RABGAP1L: variants seen among roughly 807,000 people sequenced by gnomAD.
RABGAP1L encodes the protein rab GTPase-activating protein 1-like.
A neutral mutation model predicts 137.7 loss-of-function variants in RABGAP1L; 63 were observed. The observed-to-expected ratio is 0.46, with a 90% CI of 0.37 to 0.56. RABGAP1L has a LOEUF of 0.56. RABGAP1L is among the 20% of genes least tolerant of loss of function. RABGAP1L has a pLI of 0.00. For missense variants in RABGAP1L, 1,095 were observed against 1,244.0 expected (o/e 0.88, Z 1.80); for synonymous variants, 431 against 433.7 (o/e 0.99, Z 0.08).
intron 20 of RABGAP1L, 174 bp downstream of exon 20, chr1:174,957,723 CTTTTTTTTTT>C (rs34143059): frequency 1.2e-5 from 6 of 505,572 alleles, no homozygotes; most frequent in South Asian, 3.7e-5. Flanking sequence ...AGCAAAGTAC[CTTTTTTTTTT>C]TTTTTTTTTT....
chr1:174,849,735 T>G (rs1322699573), intron 19 of RABGAP1L: 1 of 474,976 alleles, frequency 2.1e-6, no homozygotes, highest in African/African-American at 2.0e-5. Context: ...ATCTTTCTGT[T>G]CTAAATGGTA....
At chr1:174,726,267 C>T (rs1681972002) in intron 17 of RABGAP1L, among the ~76,000 whole-genome samples, 3 of 151,870 alleles carry the variant, frequency 2.0e-5, no homozygotes, top group Admixed American at 2.0e-4. Context: ...ATCTCTCTAG[C>T]TCTTCTTATT....
intron 18 of RABGAP1L, among the ~76,000 whole-genome samples, chr1:174,790,241 G>C (rs1687748255): frequency 6.6e-6 from 1 of 151,776 alleles, no homozygotes; most frequent in African/African-American, 2.4e-5. Flanking sequence ...TAACAAAGAA[G>C]TAAGAAAACA....
Position 174,994,910 on chromosome 1 carries a change from A to G in RABGAP1L, c.*4909A>G, listed in dbSNP as rs1318347507. ...TTTGTCCATGGCATCTCTAATGAAA[A>G]CAGGTTCTAGAATAAAGGAGTTGAT... On this transcript the variant is annotated 3_prime_UTR_variant, in exon 26 of 26. Coordinates refer to ENST00000681986, the MANE Select transcript of RABGAP1L (RefSeq NM_001366446.1). The G allele has an allele frequency of 6.6e-6, 1 of 152,210 alleles. No homozygotes were observed. Among genetic ancestry groups the G allele is most frequent in the East Asian group, 1.9e-4 (1 of 5,200 alleles). The allele number at this position is 152,210 out of a possible 1,614,324, so 9.4% of individuals were successfully genotyped here. A position where few individuals can be genotyped will look rare whatever the true frequency, so the allele number is the denominator to read the frequency against.
chr1:174,658,689 AT>A (rs1263994816), intron 14 of RABGAP1L, among the ~76,000 whole-genome samples: 1 of 151,316 alleles, frequency 6.6e-6, no homozygotes, highest in Non-Finnish European at 1.5e-5. Flanking sequence ...TGGGCTTGTC[AT>A]TTTTTTTAGG....
intron 1 of RABGAP1L, among the ~76,000 whole-genome samples, chr1:174,176,323 A>C (rs56404641): frequency 0.23 from 35,183 of 151,996 alleles, 4,510 homozygotes; most frequent in Non-Finnish European, 0.27. Context: ...TGGATCTTTT[A>C]TCTATGTGTA....
At chr1:174,587,508 C>T (rs934724258) in intron 13 of RABGAP1L, among the ~76,000 whole-genome samples, 1 of 151,680 alleles carries the variant, frequency 6.6e-6, no homozygotes, top group Non-Finnish European at 1.5e-5. Flanking sequence ...AGAAAAATCA[C>T]GTCTTCCAAT....
chr1:174,475,014 ATGTT>A (rs572794452), intron 13 of RABGAP1L, among the ~76,000 whole-genome samples: 63 of 152,248 alleles, frequency 4.1e-4, no homozygotes, highest in African/African-American at 1.5e-3. Flanking sequence ...AATGTAATGT[ATGTT>A]ACAATAAATA....
intron 13 of RABGAP1L, chr1:174,548,062 C>T (rs1281224673): frequency 6.5e-6 from 10 of 1,550,026 alleles, no homozygotes; most frequent in East Asian, 4.9e-5. Flanking sequence ...TTAAATGCGT[C>T]AGTGCTCTTG....
intron 18 of RABGAP1L, among the ~76,000 whole-genome samples, chr1:174,791,892 A>C (rs1687884277): frequency 6.6e-6 from 1 of 152,206 alleles, no homozygotes; most frequent in African/African-American, 2.4e-5. Context: ...TTCTCAGGGC[A>C]GACTTGTGGA....
chr1:174,869,413 C>T (rs1019683297), intron 19 of RABGAP1L, among the ~76,000 whole-genome samples: 1 of 152,084 alleles, frequency 6.6e-6, no homozygotes, highest in Non-Finnish European at 1.5e-5. Flanking sequence ...CTGGCATTTC[C>T]CCTGCTTTCC....
chr1:174,925,897 T>G (rs1174892299), intron 19 of RABGAP1L, among the ~76,000 whole-genome samples: 2 of 146,982 alleles, frequency 1.4e-5, no homozygotes, highest in African/African-American at 4.9e-5. Context: ...GTGTTTTTTT[T>G]TTTTTTTTTG....
At chr1:174,197,459 A>T (rs1486302136) in intron 1 of RABGAP1L, among the ~76,000 whole-genome samples, 4 of 152,170 alleles carry the variant, frequency 2.6e-5, no homozygotes, top group African/African-American at 9.7e-5. Context: ...GGAGCCCCTG[A>T]GTTTCCACGT....
At chr1:174,723,155 A>G (rs911794260) in intron 17 of RABGAP1L, among the ~76,000 whole-genome samples, 6 of 151,800 alleles carry the variant, frequency 4.0e-5, no homozygotes, top group African/African-American at 1.2e-4. Context: ...GCCCACTGCA[A>G]TCTCCACCTC....
At chr1:174,204,703 G>C (rs1225314385) in intron 1 of RABGAP1L, among the ~76,000 whole-genome samples, 2 of 152,298 alleles carry the variant, frequency 1.3e-5, no homozygotes, top group East Asian at 3.9e-4. Context: ...TGTTAGGGGA[G>C]GGACCTGGTG....
At chr1:174,216,524 A>G (rs1352081527) in intron 1 of RABGAP1L, among the ~76,000 whole-genome samples, 1 of 151,908 alleles carries the variant, frequency 6.6e-6, no homozygotes, top group African/African-American at 2.4e-5. Context: ...TTACCTTGTA[A>G]CAGGATATTT....
At chr1:174,475,820 C>T (rs2149318599) in intron 13 of RABGAP1L, among the ~76,000 whole-genome samples, 1 of 143,552 alleles carries the variant, frequency 7.0e-6, no homozygotes, top group East Asian at 2.1e-4. Flanking sequence ...TGGCCATTTG[C>T]TTCTGCTGTA....
In RABGAP1L at chr1:174,231,164, A is replaced by ATCT. The variant is rs752810025; in HGVS notation, c.355_357dup (p.Ser119dup). 1 of 1,612,262 alleles carries ATCT rather than the reference A, an allele frequency of 6.2e-7. No individual in the cohort carries two copies. The highest frequency in any genetic ancestry group is 1.7e-5 in the Admixed American group (1 of 60,006). On this transcript the variant is annotated inframe_insertion, in exon 4 of 26. Transcript: ENST00000681986. ...CTTCAGAAATTTCTACACCCAGACCATCTTCTCCAGGTGGACTACCTGAAG... is the reference window on the plus strand; with the variant it reads ...CTTCAGAAATTTCTACACCCAGACCATCTTCTTCTCCAGGTGGACTACCTGAAG...
Position 174,637,368 on chromosome 1 carries a change from T to G in RABGAP1L, c.1711-7T>G. The stretch of plus-strand genomic sequence containing the variant: ...TAATAACCAGGTCTATTTTCTTTCT[T>G]TTTTAGGACTCAGCCCAGGAGAGTG... On this transcript the variant is annotated splice_polypyrimidine_tract_variant and splice_region_variant and intron_variant, in intron 13 of 25. Transcript: ENST00000681986. The G allele has an allele frequency of 6.3e-7, 1 of 1,587,930 alleles. No homozygotes were observed. The highest frequency in any genetic ancestry group is 8.6e-7 in the Non-Finnish European group (1 of 1,159,148).
Sources: gnomAD v4.1 joint callset for allele counts (sites outside exome capture counted in the v4.1 genomes callset) on GRCh38, gnomAD v4.1.1 for gene constraint, MANE v1.5 for transcripts, NCBI Gene and HGNC (gene_info 2026-07-23, HGNC 2026-07-21) for gene names.